Variants in RNF31 observed in about 807,000 individuals in gnomAD.
The protein encoded by RNF31 is E3 ubiquitin-protein ligase RNF31.
RNF31 carries 38 observed loss-of-function variants against 133.6 expected under a neutral mutation model. The observed-to-expected ratio is 0.28, with a 90% CI of 0.22 to 0.37. The LOEUF (loss-of-function observed/expected upper bound fraction) is 0.37, where lower values mean the gene tolerates loss of function less well. RNF31 is among the 10% of genes least tolerant of loss of function. The probability of loss-of-function intolerance (pLI) is 1.00; values close to 1 mark genes in which losing one functional copy is unlikely to be tolerated. For synonymous variants in RNF31, 582 were observed against 552.3 expected (o/e 1.05, Z -0.75); for missense variants, 1,118 against 1,394.1 (o/e 0.80, Z 3.15).
upstream of RNF31, chr14:24,147,037 TGGAGAA>T (rs1448947815): frequency 2.7e-5 from 6 of 223,734 alleles, no homozygotes; most frequent in Non-Finnish European, 4.5e-5. Flanking sequence ...GCGCCTGGGG[TGGAGAA>T]GGACTAGCAG....
Position 24,155,731 on chromosome 14 carries a change from T to C in RNF31, c.2493+39T>C, listed in dbSNP as rs780626475. Reference sequence around the variant, plus strand: ...ATCCTTTCAGAAATACTTGCTGAGCTACTGCCAGGTACTGTGTTAGACTCA... The same window carrying C: ...ATCCTTTCAGAAATACTTGCTGAGCCACTGCCAGGTACTGTGTTAGACTCA... On this transcript the variant is annotated intron_variant, in intron 14 of 20. Coordinates refer to ENST00000324103, the MANE Select transcript of RNF31 (RefSeq NM_017999.5). This position sits in a 1 kb window ranked among gnomAD's most constrained non-coding sequence, Gnocchi z 4.9. 1.8e-5 allele frequency: 28 copies of C among 1,537,148 alleles called. No individual in the cohort carries two copies. Among genetic ancestry groups the C allele is most frequent in the Non-Finnish European group, 2.5e-5 (28 of 1,111,626 alleles).
intron 15 of RNF31, 51 bp from the exon 16 acceptor site, chr14:24,157,468 AG>A: frequency 6.2e-7 from 1 of 1,603,122 alleles, no homozygotes; most frequent in Non-Finnish European, 8.5e-7. Context: ...TCTCTTCCTG[AG>A]GGCCTTGAGT....
chr14:24,151,935 G>T lies in RNF31; in HGVS notation c.2073G>T (p.Leu691=), dbSNP rs78284177. The change falls in exon 11 of 21, where the codon CTG becomes CTT. Residue 691 remains leucine, a synonymous_variant. Coordinates refer to ENST00000324103, the MANE Select transcript of RNF31 (RefSeq NM_017999.5). This position sits in a 1 kb window ranked among gnomAD's most constrained non-coding sequence, Gnocchi z 5.3. ...AVRHSQDRAF[L]RRLLAQECAV... ...GGCACAGCCAGGACCGGGCCTTCCT[G>T]CGCCGCTTGCTTGCCCAGGAGTGTG... 1 of 1,614,210 alleles carries T rather than the reference G, an allele frequency of 6.2e-7. No homozygotes were observed. Among genetic ancestry groups the T allele is most frequent in the Non-Finnish European group, 8.5e-7 (1 of 1,180,036 alleles).
rs2038269932 is a variant in RNF31, at chr14:24,151,738, C to T, written c.1924-48C>T. The T allele has an allele frequency of 6.2e-7, 1 of 1,600,016 alleles. No homozygotes were observed. Among genetic ancestry groups the T allele is most frequent in the East Asian group, 2.2e-5 (1 of 44,706 alleles). ...GCAAGAGGGAGCTGAGGGGAAGGGT[C>T]CCTGGAGTCTGACAGCACTTCCCCC... On this transcript the variant is annotated intron_variant, in intron 10 of 20. Transcript: ENST00000324103. The surrounding 1 kb of genome is among the most constrained non-coding windows in gnomAD (Gnocchi z 5.3).
chr14:24,159,208 G>A (rs1314286269), intron 18 of RNF31, among the ~76,000 whole-genome samples: 3 of 151,688 alleles, frequency 2.0e-5, no homozygotes, highest in Non-Finnish European at 4.4e-5. Context: ...TTAGCAAGGT[G>A]TGGTGGCAGG....
At chr14:24,150,525 CT>C in intron 7 of RNF31, 72 bp from the exon 8 acceptor site, 25 of 1,576,274 alleles carry the variant, frequency 1.6e-5, no homozygotes, top group Non-Finnish European at 2.2e-5. Context: ...CCTTCAGTTC[CT>C]CCCAACTCCC....
At position 24,147,702 on chromosome 14, in the gene RNF31, C is replaced by T. The variant is rs1425454934; in HGVS notation, c.4C>T (p.Pro2Ser). The T allele has an allele frequency of 2.6e-6, 4 of 1,509,996 alleles. No individual in the cohort carries two copies. The East Asian group carries it at 1.0e-4, about 38-fold the overall frequency. 93.5% of individuals were successfully genotyped at this position (1,509,996 alleles called of 1,614,324 possible). Reference sequence around the variant, plus strand: ...TGGGGCTGACTCCTGCCTCAGGATGCCGGGGGAGGAAGAGGAGCGGGCCTT... The same window carrying T: ...TGGGGCTGACTCCTGCCTCAGGATGTCGGGGGAGGAAGAGGAGCGGGCCTT... MPGEEEERAFLV... is the reference protein window; with the variant it reads MSGEEEERAFLV... The change falls in exon 1 of 21, where the codon CCG becomes TCG. Residue 2 changes from proline to serine, a missense_variant. Coordinates refer to ENST00000324103, the MANE Select transcript of RNF31 (RefSeq NM_017999.5).
At chr14:24,151,000 AC>A in intron 8 of RNF31, 112 bp downstream of exon 8, 2 of 1,494,402 alleles carry the variant, frequency 1.3e-6, no homozygotes, top group South Asian at 1.3e-5. Context: ...GCTGCCTGTT[AC>A]TGAGGCAGTT....
chr14:24,154,863 C>A (rs754595330), intron 11 of RNF31: 6 of 422,506 alleles, frequency 1.4e-5, no homozygotes, highest in Admixed American at 4.0e-5. Context: ...AAGCTGTTCT[C>A]CACCTCTATA....
At position 24,157,380 on chromosome 14, in the gene RNF31, A is replaced by G. The variant is rs762562217; in HGVS notation, c.2584A>G (p.Met862Val). ...AGAATACCAGGCCCAGGGCCTAGCA[A>G]TGTATCTTCAGGAAAACGGCATTGG... is the stretch of plus-strand genomic sequence containing the variant. ...DPEYQAQGLA[M>V]YLQENGIDCP... Residue 862 changes from methionine to valine, a missense_variant, in exon 15 of 21, where the codon ATG becomes GTG. Transcript: ENST00000324103. The G allele has an allele frequency of 5.0e-6, 8 of 1,610,950 alleles. No individual in the cohort carries two copies. The highest frequency in any genetic ancestry group is 1.1e-5 in the South Asian group (1 of 91,002).
In RNF31 at chr14:24,147,530, C is replaced by A; in HGVS notation, c.-169C>A. The stretch of plus-strand genomic sequence containing the variant: ...TTCCTGTTCTCGGCTAACCCTGGCG[C>A]TGGGCCGGGGGCTGGAGAGTGACCG... On this transcript the variant is annotated 5_prime_UTR_variant, in exon 1 of 21. The change creates a new upstream start codon in the 5' untranslated region. Transcript: ENST00000324103. 1.9e-6 allele frequency: 1 copy of A among 517,320 alleles called. No individual in the cohort carries two copies. The highest frequency in any genetic ancestry group is 3.1e-6 in the Non-Finnish European group (1 of 319,238). The allele number at this position is 517,320 out of a possible 1,614,324, so 32.0% of individuals were successfully genotyped here.
rs1369919820 is a variant in RNF31, at chr14:24,160,620, G to A, written c.*47G>A. On this transcript the variant is annotated 3_prime_UTR_variant, in exon 21 of 21. Coordinates refer to ENST00000324103, the MANE Select transcript of RNF31 (RefSeq NM_017999.5). This position sits in a 1 kb window ranked among gnomAD's most constrained non-coding sequence, Gnocchi z 4.0. ...AGGGTCCCATGGCCTGCTCCCTCAGGAACAGCTCCAGCACCAATAAAGAGG... is the reference window on the plus strand; with the variant it reads ...AGGGTCCCATGGCCTGCTCCCTCAGAAACAGCTCCAGCACCAATAAAGAGG... The A allele has an allele frequency of 9.0e-6, 13 of 1,440,586 alleles. No homozygotes were observed. In the South Asian group the frequency reaches 1.8e-4, roughly 20 times the overall value. The allele number at this position is 1,440,586 out of a possible 1,614,324, so 89.2% of individuals were successfully genotyped here. A position where few individuals can be genotyped will look rare whatever the true frequency, so the allele number is the denominator to read the frequency against.
At chr14:24,159,533 G>A (rs1384169025) in intron 18 of RNF31, among the ~76,000 whole-genome samples, 2 of 131,050 alleles carry the variant, frequency 1.5e-5, no homozygotes, top group Non-Finnish European at 3.2e-5. Flanking sequence ...ATAAAAAAAA[G>A]AGGTAAGATC....
At chr14:24,148,897 G>A (rs758767316) in intron 5 of RNF31, 21 bp downstream of exon 5, 21 of 1,595,380 alleles carry the variant, frequency 1.3e-5, no homozygotes, top group Admixed American at 5.0e-5. Flanking sequence ...TCCTAAATTG[G>A]GGACCAGGTA....
intron 5 of RNF31, chr14:24,149,180 C>T (rs2038225679): frequency 1.7e-6 from 1 of 600,134 alleles, no homozygotes; most frequent in Admixed American, 3.0e-5. Context: ...TCAGGCTGGT[C>T]TGGAACTCCT....
At position 24,148,824 on chromosome 14, in the gene RNF31, C is replaced by G. The variant is rs1251135905; in HGVS notation, c.579C>G (p.Asp193Glu). 1 of 1,614,028 alleles carries G rather than the reference C, an allele frequency of 6.2e-7. No individual in the cohort carries two copies. Among genetic ancestry groups the G allele is most frequent in the African/African-American group, 1.3e-5 (1 of 74,904 alleles). ...EDDMLQLSEF[D>E]PLLREIAPGP... The stretch of plus-strand genomic sequence containing the variant: ...AGATGCTGCAGCTTTCAGAATTTGA[C>G]CCCCTATTGAGAGAGATTGCTCCTG... Residue 193 changes from aspartate to glutamate, a missense_variant, in exon 5 of 21, where the codon GAC (aspartate) becomes GAG (glutamate). Asp to Glu is a conservative substitution (Grantham distance 45). Around this residue, in one of 3 missense-constraint regions of RNF31, gnomAD observed 747 missense variants for 827.9 expected, o/e 0.90. Coordinates refer to ENST00000324103, the MANE Select transcript of RNF31 (RefSeq NM_017999.5).
intron 11 of RNF31, 80 bp downstream of exon 11, chr14:24,152,072 G>C: frequency 7.1e-7 from 1 of 1,406,072 alleles, no homozygotes; most frequent in South Asian, 1.3e-5. Flanking sequence ...CTCCATCTCT[G>C]ATCCTGTCTT....
Position 24,157,542 on chromosome 14 carries a change from G to A in RNF31, c.2631G>A (p.Ser877=), listed in dbSNP as rs201794587. Residue 877 remains serine, a synonymous_variant, in exon 16 of 21, where the codon TCG becomes TCA. Coordinates refer to ENST00000324103, the MANE Select transcript of RNF31 (RefSeq NM_017999.5). ...NGIDCPKCKF[S]YALARGGCMH... is the part of the protein sequence containing the mutation. ...CAGACTGCCCCAAATGCAAGTTCTC[G>A]TACGCCCTGGCCCGAGGAGGCTGCA... 36 of 1,614,138 alleles carry A rather than the reference G, an allele frequency of 2.2e-5. No individual in the cohort carries two copies. Among genetic ancestry groups the A allele is most frequent in the Middle Eastern group, 1.6e-4 (1 of 6,062 alleles).
intron 5 of RNF31, chr14:24,149,137 ATTTT>A (rs2038224794): frequency 1.7e-6 from 1 of 592,168 alleles, no homozygotes; most frequent in Non-Finnish European, 3.0e-6. Flanking sequence ...CTAATTTTGT[ATTTT>A]TGGTAGAGAT....
Sources: allele counts gnomAD v4.1 joint callset (sites outside exome capture counted in the v4.1 genomes callset), GRCh38; gene constraint gnomAD v4.1.1; regional missense constraint gnomAD v4.1.1; non-coding constraint Gnocchi (gnomAD v3.1); transcripts MANE v1.5; gene names NCBI Gene and HGNC (gene_info 2026-07-23, HGNC 2026-07-21).